Variants in ZNF365 observed in about 807,000 individuals in gnomAD.
ZNF365 encodes the protein zinc finger protein 365, also known as protein ZNF365.
A neutral mutation model predicts 35.0 loss-of-function variants in ZNF365; 22 were observed. The ratio of observed to expected loss-of-function variants is 0.63; its 90% CI spans 0.45 to 0.90. ZNF365 has a LOEUF of 0.90. Ranked by LOEUF, ZNF365 falls within the 40% of genes least tolerant of loss-of-function variation. The probability of loss-of-function intolerance (pLI) is 0.00; values close to 1 mark genes in which losing one functional copy is unlikely to be tolerated. For synonymous variants in ZNF365, 188 were observed against 196.2 expected (o/e 0.96, Z 0.35); for missense variants, 448 against 500.3 (o/e 0.90, Z 1.00).
chr10:62,417,151 G>T (rs940865009), intron 3 of ZNF365, among the ~76,000 whole-genome samples: 1 of 151,990 alleles, frequency 6.6e-6, no homozygotes, highest in Non-Finnish European at 1.5e-5. Context: ...TCCAACATTT[G>T]TCCTCAACGA....
intron 2 of ZNF365, among the ~76,000 whole-genome samples, chr10:62,383,815 C>T (rs924416547): frequency 6.6e-6 from 1 of 152,142 alleles, no homozygotes; most frequent in African/African-American, 2.4e-5. Flanking sequence ...ATCTATTTTT[C>T]AGACCATATG....
chr10:62,473,872 T>C (rs1841085222), intron 4 of ZNF365, among the ~76,000 whole-genome samples: 1 of 152,212 alleles, frequency 6.6e-6, no homozygotes, highest in Admixed American at 6.5e-5. Flanking sequence ...GGTAATTCAG[T>C]GGCTGGTTGA....
intron 2 of ZNF365, among the ~76,000 whole-genome samples, chr10:62,387,322 G>A (rs1305368191): frequency 1.3e-5 from 2 of 152,120 alleles, no homozygotes; most frequent in Non-Finnish European, 2.9e-5. Flanking sequence ...TGTGTTTGGG[G>A]ATGAGTTTGA....
Position 62,399,550 on chromosome 10 carries a change from G to A in ZNF365, c.985G>A (p.Val329Ile). ...KCLSRGHPHSVCNHPDLKAHF... is the reference protein window; with the variant it reads ...KCLSRGHPHSICNHPDLKAHF... ...TAGAAGCCGAGGGCACCCGCATTCG[G>A]TATGTAACCACCCTGATCTCAAGGC... is the stretch of plus-strand genomic sequence containing the variant. Residue 329 changes from valine (V) to isoleucine (I), a missense_variant, in exon 5 of 5, where the codon GTA (valine) becomes ATA (isoleucine). Coordinates refer to ENST00000395254, the MANE Select transcript of ZNF365 (RefSeq NM_014951.3). The A allele has an allele frequency of 1.9e-6, 3 of 1,613,970 alleles. No individual in the cohort carries two copies. The highest frequency in any genetic ancestry group is 1.7e-6 in the Non-Finnish European group (2 of 1,179,994).
chr10:62,462,774 A>T (rs1416327298), intron 4 of ZNF365, among the ~76,000 whole-genome samples: 1 of 152,188 alleles, frequency 6.6e-6, no homozygotes, highest in Non-Finnish European at 1.5e-5. Flanking sequence ...AATTTGATGT[A>T]AGGAAATCTA....
chr10:62,457,127 A>G (rs1840774133), intron 3 of ZNF365, among the ~76,000 whole-genome samples: 1 of 152,184 alleles, frequency 6.6e-6, no homozygotes, highest in African/African-American at 2.4e-5. Flanking sequence ...ACCCATCCCA[A>G]GCATATTCTC....
chr10:62,416,908 T>G (rs1332372114), intron 3 of ZNF365, among the ~76,000 whole-genome samples: 2 of 152,030 alleles, frequency 1.3e-5, no homozygotes, highest in African/African-American at 4.8e-5. Context: ...TAACCTGTAT[T>G]ACTATAATTT....
chr10:62,398,992 T>C (rs1024281006), intron 4 of ZNF365, among the ~76,000 whole-genome samples: 1 of 152,240 alleles, frequency 6.6e-6, no homozygotes, highest in Non-Finnish European at 1.5e-5. Context: ...TATATACCAC[T>C]ATGATGGCAC....
At chr10:62,412,105 T>C (rs1227927313) in intron 3 of ZNF365, among the ~76,000 whole-genome samples, 1 of 152,028 alleles carries the variant, frequency 6.6e-6, no homozygotes, top group East Asian at 1.9e-4. Context: ...AATTGGCTTC[T>C]TCCCTGGGAT....
intron 4 of ZNF365, among the ~76,000 whole-genome samples, chr10:62,474,267 A>G (rs1841091799): frequency 1.3e-5 from 2 of 151,976 alleles, no homozygotes. Context: ...CAAAATCAGG[A>G]CTCTCTTAGC....
At chr10:62,377,186 A>G (rs1223143919) in intron 2 of ZNF365, among the ~76,000 whole-genome samples, 1 of 152,196 alleles carries the variant, frequency 6.6e-6, no homozygotes, top group Non-Finnish European at 1.5e-5. Context: ...TAAACCACAG[A>G]CTATGCTTTT....
chr10:62,406,161 C>T (rs1054334240), downstream of ZNF365, among the ~76,000 whole-genome samples: 3 of 152,172 alleles, frequency 2.0e-5, no homozygotes, highest in African/African-American at 7.2e-5. Context: ...AGCACCAGAC[C>T]TCTTGCTCCT....
chr10:62,375,687 C>G (rs1839311058), intron 1 of ZNF365: 1 of 162,810 alleles, frequency 6.1e-6, no homozygotes, highest in African/African-American at 2.4e-5. Context: ...CGGATTGTAT[C>G]CTTAAAATGG....
At chr10:62,442,461 C>T (rs1840516781) in intron 3 of ZNF365, among the ~76,000 whole-genome samples, 2 of 152,100 alleles carry the variant, frequency 1.3e-5, no homozygotes, top group Admixed American at 6.6e-5. Flanking sequence ...TAAAGGTGTT[C>T]ACTTGGTGGT....
At chr10:62,403,459 C>A (rs1162376665), downstream of ZNF365, among the ~76,000 whole-genome samples, 9 of 152,142 alleles carry the variant, frequency 5.9e-5, no homozygotes, top group Admixed American at 2.6e-4. Context: ...GAGATCGAGA[C>A]CATCCTGGCT....
Position 62,438,472 on chromosome 10 carries a change from G to A in ZNF365, c.925-21269G>A, listed in dbSNP as rs142589724. Among the ~76,000 whole-genome samples the A allele has an allele frequency of 3.1e-3, 472 of 152,224 alleles. 3 individuals are homozygous for A. Among genetic ancestry groups the A allele is most frequent in the African/African-American group, 0.011 (451 of 41,532 alleles). ...CAAAATGCTGGGATTACAGGAATGA[G>A]CTACCATGCCCAGCCACATAGAGTT... On this transcript the variant is annotated intron_variant, in intron 3 of 4. Coordinates refer to the ZNF365 transcript ENST00000395255.
intron 4 of ZNF365, among the ~76,000 whole-genome samples, chr10:62,464,828 TGTGATG>T (rs1034189600): frequency 2.0e-4 from 30 of 152,280 alleles, no homozygotes; most frequent in African/African-American, 4.6e-4. Context: ...ACATAATCTA[TGTGATG>T]GTGATGGTGA....
At chr10:62,392,603 CGTTTGTTTGTTTGTTTGTTT>C (rs139529803) in intron 3 of ZNF365, among the ~76,000 whole-genome samples, 9 of 150,272 alleles carry the variant, frequency 6.0e-5, no homozygotes, top group Admixed American at 2.6e-4. Context: ...GTCTATGTGC[CGTTTGTTTGTTTGTTTGTTT>C]GTTTGTTTGT....
intron 3 of ZNF365, among the ~76,000 whole-genome samples, chr10:62,445,774 A>T (rs540544006): frequency 2.8e-4 from 42 of 152,320 alleles, no homozygotes; most frequent in African/African-American, 1.0e-3. Flanking sequence ...GTTGAGAACC[A>T]CTGATTCAAA....
Sources: allele counts gnomAD v4.1 joint callset (sites outside exome capture counted in the v4.1 genomes callset), GRCh38; gene constraint gnomAD v4.1.1; transcripts MANE v1.5; gene names NCBI Gene and HGNC (gene_info 2026-07-23, HGNC 2026-07-21).